The following KCTD8 variants were observed in gnomAD, a reference collection of about 807,000 sequenced individuals.
KCTD8 encodes the protein potassium channel tetramerization domain containing 8, also known as BTB/POZ domain-containing protein KCTD8.
A neutral mutation model predicts 31.5 loss-of-function variants in KCTD8; 27 were observed. The observed-to-expected ratio is 0.86, with a 90% confidence interval of 0.63 to 1.18. The LOEUF (loss-of-function observed/expected upper bound fraction) is 1.18, where lower values mean the gene tolerates loss of function less well. Among genes scored for constraint, KCTD8 ranks in the 50% most tolerant of loss-of-function variants. The pLI is 0.00. For missense variants in KCTD8, 658 were observed against 647.7 expected (o/e 1.02, Z -0.17); for synonymous variants, 290 against 280.0 (o/e 1.04, Z -0.36).
intron 1 of KCTD8, among the ~76,000 whole-genome samples, chr4:44,211,391 T>C (rs189974201): frequency 8.8e-4 from 134 of 152,292 alleles, no homozygotes; most frequent in African/African-American, 3.2e-3. Flanking sequence ...ATATATAATA[T>C]CTGGTCTGGG....
chr4:44,344,403 C>T (rs947823522), intron 1 of KCTD8, among the ~76,000 whole-genome samples: 1 of 152,090 alleles, frequency 6.6e-6, no homozygotes, highest in Non-Finnish European at 1.5e-5. Context: ...CCAGCCTGGA[C>T]TCAAACTCCT....
At chr4:44,386,559 T>C (rs1720215698) in intron 1 of KCTD8, among the ~76,000 whole-genome samples, 1 of 149,864 alleles carries the variant, frequency 6.7e-6, no homozygotes, top group Non-Finnish European at 1.5e-5. Flanking sequence ...TATCATCTCA[T>C]GCCCGTTAAA....
chr4:44,237,215 G>C (rs1402751956), intron 1 of KCTD8, among the ~76,000 whole-genome samples: 1 of 152,100 alleles, frequency 6.6e-6, no homozygotes, highest in Non-Finnish European at 1.5e-5. Context: ...GAGCAATATG[G>C]GAGGAATCCT....
intron 1 of KCTD8, among the ~76,000 whole-genome samples, chr4:44,286,607 C>T (rs576798308): frequency 3.9e-5 from 6 of 151,984 alleles, no homozygotes; most frequent in South Asian, 2.1e-4. Context: ...GAGGTAATAT[C>T]GAAGAAAAGG....
In KCTD8 at chr4:44,174,666, A is replaced by T; in HGVS notation, c.*124T>A. 1 of 703,952 alleles carries T rather than the reference A, an allele frequency of 1.4e-6. No individual in the cohort carries two copies. The highest frequency in any genetic ancestry group is 2.8e-5 in the Admixed American group (1 of 35,306). 43.6% of individuals were successfully genotyped at this position (703,952 alleles called of 1,614,324 possible). A position where few individuals can be genotyped will look rare whatever the true frequency, so the allele number is the denominator to read the frequency against. ...AACATAAAAGAAAATACTGTCCCAC[A>T]TCCACTGTTCACAACAAGGAAGAGC... On this transcript the variant is annotated 3_prime_UTR_variant, in exon 2 of 2. Coordinates refer to ENST00000360029, the MANE Select transcript of KCTD8 (RefSeq NM_198353.3).
chr4:44,291,634 A>T (rs2109385687), intron 1 of KCTD8, among the ~76,000 whole-genome samples: 1 of 152,232 alleles, frequency 6.6e-6, no homozygotes, highest in African/African-American at 2.4e-5. Context: ...ATACCTAATT[A>T]AATGAAAAGA....
At chr4:44,309,157 C>G (rs1325660464) in intron 1 of KCTD8, among the ~76,000 whole-genome samples, 1 of 151,982 alleles carries the variant, frequency 6.6e-6, no homozygotes, top group East Asian at 1.9e-4. Context: ...TGCCTCAGTC[C>G]TCCAAATAGG....
intron 1 of KCTD8, among the ~76,000 whole-genome samples, chr4:44,240,464 T>C (rs1715424597): frequency 6.6e-6 from 1 of 152,186 alleles, no homozygotes; most frequent in African/African-American, 2.4e-5. Context: ...ATTCCACCCA[T>C]GAATCAGAAT....
Position 44,447,715 on chromosome 4 carries a change from T to A in KCTD8, c.809A>T (p.Tyr270Phe). The change falls in exon 1 of 2, where the codon TAC becomes TTC. Residue 270 changes from tyrosine to phenylalanine, a missense_variant. Tyr to Phe is a conservative substitution (Grantham distance 22). Coordinates refer to ENST00000360029, the MANE Select transcript of KCTD8 (RefSeq NM_198353.3). ...RQPEKYTSRF[Y>F]LKFTYLEQAF... ...CTGCTCCAAGTAGGTGAACTTGAGG[T>A]AGAAGCGGGACGTGTACTTCTCCGG... 6.2e-7 allele frequency: 1 copy of A among 1,612,408 alleles called. No individual in the cohort carries two copies. Among genetic ancestry groups the A allele is most frequent in the Non-Finnish European group, 8.5e-7 (1 of 1,179,362 alleles).
At chr4:44,276,066 C>T (rs1577588900) in intron 1 of KCTD8, among the ~76,000 whole-genome samples, 1 of 151,840 alleles carries the variant, frequency 6.6e-6, no homozygotes, top group East Asian at 1.9e-4. Flanking sequence ...AGTGGCATCC[C>T]AAGGGTGGTG....
intron 1 of KCTD8, among the ~76,000 whole-genome samples, chr4:44,222,240 C>T (rs192513346): frequency 1.3e-5 from 2 of 152,264 alleles, no homozygotes; most frequent in South Asian, 2.1e-4. Flanking sequence ...AGGCATCCTG[C>T]TATCTTTGTT....
At chr4:44,325,067 T>G (rs907501554) in intron 1 of KCTD8, among the ~76,000 whole-genome samples, 3 of 152,016 alleles carry the variant, frequency 2.0e-5, no homozygotes, top group African/African-American at 7.3e-5. Flanking sequence ...GGCAAGAATT[T>G]CTACGTGTTG....
chr4:44,351,272 T>C (rs1719186959), intron 1 of KCTD8, among the ~76,000 whole-genome samples: 1 of 152,152 alleles, frequency 6.6e-6, no homozygotes, highest in South Asian at 2.1e-4. Context: ...TAAATAATTG[T>C]GAAATGCATT....
intron 1 of KCTD8, among the ~76,000 whole-genome samples, chr4:44,213,532 A>G (rs1436090448): frequency 6.6e-6 from 1 of 152,172 alleles, no homozygotes; most frequent in Non-Finnish European, 1.5e-5. Flanking sequence ...TGAACTAAAC[A>G]TGTAGCATAA....
At chr4:44,360,769 C>T (rs2109430143) in intron 1 of KCTD8, among the ~76,000 whole-genome samples, 1 of 152,072 alleles carries the variant, frequency 6.6e-6, no homozygotes, top group African/African-American at 2.4e-5. Context: ...GCACAGCCAA[C>T]AATTCTTTAA....
intron 1 of KCTD8, among the ~76,000 whole-genome samples, chr4:44,315,748 A>G (rs1718089907): frequency 6.6e-6 from 1 of 152,080 alleles, no homozygotes; most frequent in Non-Finnish European, 1.5e-5. Context: ...TAGGTTTAAA[A>G]CATTTTTTTT....
rs373898586 is a variant in KCTD8, at chr4:44,435,295, A to G, written c.961+12268T>C. The stretch of plus-strand genomic sequence containing the variant: ...AATTTAAGTGATTTTCATGAAATTA[A>G]TAACTATAAAGTGGCAAAAACAAAA... On this transcript the variant is annotated intron_variant, in intron 1 of 1. Coordinates refer to ENST00000360029, the MANE Select transcript of KCTD8 (RefSeq NM_198353.3). Among the ~76,000 whole-genome samples, 96 of 152,128 alleles carry G rather than the reference A, an allele frequency of 6.3e-4. 3 individuals carry two copies. In the South Asian group the frequency reaches 0.018, roughly 29 times the overall value.
chr4:44,228,698 T>A (rs1715036566), intron 1 of KCTD8, among the ~76,000 whole-genome samples: 1 of 152,148 alleles, frequency 6.6e-6, no homozygotes, highest in African/African-American at 2.4e-5. Context: ...CCCCCATTAT[T>A]CCTCTATCAC....
intron 1 of KCTD8, among the ~76,000 whole-genome samples, chr4:44,300,618 G>A (rs1166017352): frequency 6.6e-6 from 1 of 152,100 alleles, no homozygotes; most frequent in Admixed American, 6.6e-5. Context: ...ACAAGAGAAT[G>A]TACTGTTATA....
Sources: allele counts gnomAD v4.1 joint callset (sites outside exome capture counted in the v4.1 genomes callset), GRCh38; gene constraint gnomAD v4.1.1; transcripts MANE v1.5; gene names NCBI Gene and HGNC (gene_info 2026-07-23, HGNC 2026-07-21).